IDS: variants seen among roughly 807,000 people sequenced by gnomAD.
The protein encoded by IDS is alpha-L-iduronate sulfate sulfatase.
Under a neutral mutation model 33.5 loss-of-function variants are expected in IDS, and 1 was observed. The ratio of observed to expected loss-of-function variants is 0.03; its 90% CI spans 0.01 to 0.14. The LOEUF (loss-of-function observed/expected upper bound fraction) is 0.14. Ranked by LOEUF, IDS falls within the 10% of genes least tolerant of loss-of-function variation. The pLI is 1.00. For synonymous variants in IDS, 191 were observed against 184.4 expected, an observed-to-expected ratio of 1.04 and a Z score of -0.29; for missense variants, 328 against 448.0, an observed-to-expected ratio of 0.73 and a Z score of 2.42.
intron 8 of IDS, among the ~76,000 whole-genome samples, chrX:149,484,130 T>G (rs1284698362): frequency 8.9e-6 from 1 of 112,738 alleles, no homozygotes; most frequent in Non-Finnish European, 1.9e-5. Context: ...CAACCTTTGA[T>G]TGAATACCTG....
At chrX:149,485,009 T>C (rs922934388) in intron 8 of IDS, among the ~76,000 whole-genome samples, 2 of 111,785 alleles carry the variant, frequency 1.8e-5, no homozygotes, top group Non-Finnish European at 3.8e-5. Context: ...CAACAGCCCA[T>C]GTAGCACACG....
chrX:149,491,043 T>C (rs1189493618), intron 6 of IDS, among the ~76,000 whole-genome samples: 1 of 112,269 alleles, frequency 8.9e-6, no homozygotes, highest in Non-Finnish European at 1.9e-5. Flanking sequence ...TTTCCAAATA[T>C]GGTTACATTC....
chrX:149,497,963 T>C, intron 5 of IDS, 144 bp downstream of exon 5: 1 of 486,732 alleles, frequency 2.1e-6, no homozygotes, highest in Non-Finnish European at 3.6e-6. Context: ...CCATCTTTAC[T>C]CCACTGAGGA....
At chrX:149,503,197 G>C (rs781996090) in intron 3 of IDS, 115 bp downstream of exon 3, 53 of 1,169,093 alleles carry the variant, frequency 4.5e-5, no homozygotes, top group Non-Finnish European at 5.8e-5. Flanking sequence ...TGACTAGCGA[G>C]GGACTCGCCC....
chrX:149,483,780 ACT>A (rs1411604500), intron 8 of IDS, among the ~76,000 whole-genome samples: 3 of 112,054 alleles, frequency 2.7e-5, no homozygotes, highest in Non-Finnish European at 3.8e-5. Context: ...CACAACTGAA[ACT>A]CTGTCCCCAT....
At chrX:149,503,581 C>G (rs1414663931) in intron 2 of IDS, 92 bp from the exon 3 acceptor site, 12 of 1,038,814 alleles carry the variant, frequency 1.2e-5, no homozygotes, top group Non-Finnish European at 1.6e-5. Flanking sequence ...CCCGAGGCTC[C>G]TAGCAAACAG....
Position 149,490,431 on chromosome X carries a change from G to A in IDS, c.889C>T (p.Arg297Cys), listed in dbSNP as rs782408729. ...GACACAGAGGCAAAGTAGCTCTGGC[G>A]GATTTTCCGCTGCAAATTGAAAAAA... Reference protein sequence around the residue: ...PIPVDFQRKIRQSYFASVSYL... With the variant: ...PIPVDFQRKICQSYFASVSYL... Residue 297 changes from arginine (R) to cysteine (C), a missense_variant, in exon 7 of 9, where the codon CGC (arginine) becomes TGC (cysteine). By Grantham distance (180) the Arg-to-Cys change is radical (BLOSUM62 -3). This residue lies in a region of IDS where 265 missense variants were observed against 339.2 expected (regional missense o/e 0.78). Coordinates refer to ENST00000340855, the MANE Select transcript of IDS (RefSeq NM_000202.8). The A allele has an allele frequency of 2.2e-5, 26 of 1,208,995 alleles. No individual in the cohort carries two copies. The highest frequency in any genetic ancestry group is 5.9e-5 in the East Asian group (2 of 33,747).
Position 149,505,268 on chromosome X carries a change from CCCGGGCCCGCAGGCCCGGGCG to C in IDS, c.-152_-132del. On this transcript the variant is annotated 5_prime_UTR_variant, in exon 1 of 9. Coordinates refer to ENST00000340855, the MANE Select transcript of IDS (RefSeq NM_000202.8). ...TGAAGACTGCGCAACACAGCCGCCG[CCCGGGCCCGCAGGCCCGGGCG>C]CTGGCCGCAGCGCGAGTGCGTCCGT... is the stretch of plus-strand genomic sequence containing the variant. 2.8e-6 allele frequency: 1 copy of C among 353,265 alleles called. No homozygotes were observed. The highest frequency in any genetic ancestry group is 4.7e-5 in the East Asian group (1 of 21,489). 29.1% of individuals were successfully genotyped at this position (353,265 alleles called of 1,213,427 possible).
chrX:149,477,797 C>G lies in IDS; in HGVS notation c.*4949G>C, dbSNP rs185029794. ...AGGGCTCTTGGCCATTATGGCCAAA[C>G]GATTGGTGATGTGAAGGCAACAACT... On this transcript the variant is annotated 3_prime_UTR_variant, in exon 9 of 9. Coordinates refer to ENST00000340855, the MANE Select transcript of IDS (RefSeq NM_000202.8). The G allele has an allele frequency of 8.9e-6, 1 of 112,159 alleles. No homozygotes were observed. The highest frequency in any genetic ancestry group is 1.9e-5 in the Non-Finnish European group (1 of 53,193). 9.2% of individuals were successfully genotyped at this position (112,159 alleles called of 1,213,427 possible). A position where few individuals can be genotyped will look rare whatever the true frequency, so the allele number is the denominator to read the frequency against.
chrX:149,491,602 C>G, intron 6 of IDS: 1 of 1,001,561 alleles, frequency 1.0e-6, no homozygotes, highest in Non-Finnish European at 1.3e-6. Flanking sequence ...TATGCTGAGC[C>G]CTGGCCTACT....
chrX:149,486,288 T>C (rs1557338022), intron 8 of IDS, among the ~76,000 whole-genome samples: 1 of 111,587 alleles, frequency 9.0e-6, no homozygotes. Flanking sequence ...TTGTGACGAA[T>C]GGTTGAAGGG....
chrX:149,490,151 T>C (rs1557338564), intron 7 of IDS, among the ~76,000 whole-genome samples, 163 bp downstream of exon 7: 1 of 95,429 alleles, frequency 1.0e-5, no homozygotes, highest in Non-Finnish European at 2.1e-5. Flanking sequence ...GTCTCAGGAC[T>C]AACAAGCTGA....
At chrX:149,502,077 G>A (rs1310925524) in intron 3 of IDS, 3 of 327,731 alleles carry the variant, frequency 9.2e-6, no homozygotes, top group African/African-American at 2.7e-5. Flanking sequence ...GTACATACCT[G>A]GCACACAGTG....
intron 7 of IDS, 102 bp downstream of exon 7, chrX:149,490,200 CACTGGTTCACAA>C: frequency 1.2e-6 from 1 of 807,827 alleles, no homozygotes; most frequent in Non-Finnish European, 1.9e-6. Context: ...GTTTGTGAAC[CACTGGTTCACAA>C]AAGAGAACAC....
chrX:149,490,280 G>A, intron 7 of IDS, 34 bp downstream of exon 7: 2 of 1,201,738 alleles, frequency 1.7e-6, no homozygotes, highest in Non-Finnish European at 2.3e-6. Flanking sequence ...AAGTTCAGAT[G>A]TTTTGACTCA....
intron 6 of IDS, chrX:149,491,544 T>G (rs2089392053): frequency 2.1e-6 from 2 of 970,478 alleles, no homozygotes; most frequent in South Asian, 4.0e-5. Flanking sequence ...TCACCCGTTC[T>G]CACTTGCAGT....
intron 3 of IDS, 75 bp downstream of exon 3, chrX:149,503,237 C>G: frequency 8.5e-7 from 1 of 1,173,496 alleles, no homozygotes; most frequent in East Asian, 3.2e-5. Context: ...AAAGACAGCC[C>G]CATCCCCAGG....
Position 149,504,758 on chromosome X carries a change from GGATA to G in IDS, c.103+273_103+276del, listed in dbSNP as rs781820435. ...GAGGAAAGGAGGGGGAAAGATGGAT[GGATA>G]GAGATGGGAAAGATGGGGGGAAAGA... On this transcript the variant is annotated intron_variant, in intron 1 of 8. Coordinates refer to ENST00000340855, the MANE Select transcript of IDS (RefSeq NM_000202.8). 3.7e-3 allele frequency among the ~76,000 whole-genome samples: 374 copies of G among 102,317 alleles called. 1 individual carries two copies. The highest frequency in any genetic ancestry group is 9.7e-3 in the Middle Eastern group (2 of 206). 88.9% of individuals were successfully genotyped at this position (102,317 alleles called of 115,157 possible). A position where few individuals can be genotyped will look rare whatever the true frequency, so the allele number is the denominator to read the frequency against.
At chrX:149,495,019 C>G (rs2089424595) in intron 6 of IDS, among the ~76,000 whole-genome samples, 1 of 111,938 alleles carries the variant, frequency 8.9e-6, no homozygotes, top group African/African-American at 3.3e-5. Context: ...ACCTCCCATG[C>G]CTTGAGTTTC....
Sources: gnomAD v4.1 joint callset for allele counts (sites outside exome capture counted in the v4.1 genomes callset) on GRCh38, gnomAD v4.1.1 for gene constraint, gnomAD v4.1.1 regional missense constraint, MANE v1.5 for transcripts, NCBI Gene and HGNC (gene_info 2026-07-23, HGNC 2026-07-21) for gene names.